Variants in TMTC2 observed in about 807,000 individuals in gnomAD.
TMTC2 encodes protein O-mannosyl-transferase TMTC2.
A neutral mutation model predicts 82.4 loss-of-function variants in TMTC2; 43 were observed. The ratio of observed to expected loss-of-function variants is 0.52; its 90% confidence interval spans 0.41 to 0.67. The LOEUF is 0.67. Among genes scored for constraint, TMTC2 ranks in the 30% least tolerant of loss-of-function variants. TMTC2 has a pLI of 0.00. For synonymous variants in TMTC2, 408 were observed against 381.9 expected (o/e 1.07, Z -0.80); for missense variants, 919 against 1,012.4 (o/e 0.91, Z 1.25).
chr12:82,965,655 A>T lies in TMTC2; in HGVS notation c.1780A>T (p.Asn594Tyr). Residue 594 changes from asparagine (N) to tyrosine (Y), a missense_variant, in exon 6 of 12, where the codon AAC (asparagine) becomes TAC (tyrosine). Transcript: ENST00000321196. ...FLKCSEIPDE[N>Y]LKDPHAHKSS... ...AAAGTGTTCGGAGATCCCAGATGAA[A>T]ACCTAAAGGACCCTCATGCACACAA... 6.2e-6 allele frequency: 10 copies of T among 1,613,810 alleles called. No individual in the cohort carries two copies. Among genetic ancestry groups the T allele is most frequent in the Non-Finnish European group, 8.5e-6 (10 of 1,179,790 alleles).
chr12:82,763,539 A>G (rs1041347428), intron 1 of TMTC2, among the ~76,000 whole-genome samples: 9 of 152,258 alleles, frequency 5.9e-5, no homozygotes, highest in African/African-American at 1.9e-4. Flanking sequence ...AAAGAGAAGT[A>G]AATAAACTGA....
chr12:82,784,736 T>G (rs1878092337), intron 1 of TMTC2, among the ~76,000 whole-genome samples: 1 of 152,102 alleles, frequency 6.6e-6, no homozygotes, highest in Non-Finnish European at 1.5e-5. Flanking sequence ...CATGCTTCAT[T>G]TTTGTATTTG....
intron 1 of TMTC2, among the ~76,000 whole-genome samples, chr12:82,700,487 T>C (rs1873022489): frequency 6.6e-6 from 1 of 152,316 alleles, no homozygotes; most frequent in Non-Finnish European, 1.5e-5. Flanking sequence ...TTAGGGTAAC[T>C]GAAAAGATTT....
At chr12:82,840,210 C>T (rs139959907) in intron 1 of TMTC2, among the ~76,000 whole-genome samples, 1 of 152,314 alleles carries the variant, frequency 6.6e-6, no homozygotes, top group African/African-American at 2.4e-5. Flanking sequence ...ATTTACTGTT[C>T]ACCATAAACA....
At chr12:83,127,611 C>T (rs1458470816) in intron 11 of TMTC2, among the ~76,000 whole-genome samples, 1 of 152,104 alleles carries the variant, frequency 6.6e-6, no homozygotes, top group African/African-American at 2.4e-5. Context: ...ACCCTAAATC[C>T]CCACATAGTC....
chr12:82,802,365 C>T (rs550820294), intron 1 of TMTC2, among the ~76,000 whole-genome samples: 77 of 152,290 alleles, frequency 5.1e-4, no homozygotes, highest in Admixed American at 2.6e-3. Context: ...GAGCCGGCTC[C>T]GGCTTTGGCC....
intron 7 of TMTC2, among the ~76,000 whole-genome samples, chr12:82,972,785 G>T (rs1393862149): frequency 6.6e-6 from 1 of 152,138 alleles, no homozygotes; most frequent in Non-Finnish European, 1.5e-5. Context: ...ATTATGTTGT[G>T]AGTTCAGTCA....
intron 9 of TMTC2, among the ~76,000 whole-genome samples, chr12:83,041,080 G>C (rs201521192): frequency 6.8e-5 from 9 of 133,212 alleles, no homozygotes; most frequent in Admixed American, 2.9e-4. Context: ...CCCTTTTTTT[G>C]TGTATGGAAA....
chr12:82,963,002 A>G (rs553709609), intron 4 of TMTC2, among the ~76,000 whole-genome samples: 52 of 152,128 alleles, frequency 3.4e-4, no homozygotes, highest in South Asian at 2.1e-4. Flanking sequence ...GAAGTGTAGT[A>G]GTTGAGTGGA....
chr12:82,776,844 G>A (rs902210914), intron 1 of TMTC2, among the ~76,000 whole-genome samples: 5 of 152,084 alleles, frequency 3.3e-5, no homozygotes, highest in African/African-American at 9.7e-5. Context: ...AGAATAAACT[G>A]GGAGGATTGC....
chr12:83,065,688 G>A (rs546412350), intron 11 of TMTC2, among the ~76,000 whole-genome samples: 1 of 151,614 alleles, frequency 6.6e-6, no homozygotes, highest in Non-Finnish European at 1.5e-5. Context: ...ACTTTAAATA[G>A]ACAACAGTCT....
At chr12:82,744,723 T>C (rs566932781) in intron 1 of TMTC2, among the ~76,000 whole-genome samples, 1 of 152,282 alleles carries the variant, frequency 6.6e-6, no homozygotes, top group South Asian at 2.1e-4. Flanking sequence ...TTTCTTTGCA[T>C]GGAATTATGT....
chr12:82,911,607 T>C (rs1174226216), intron 3 of TMTC2, among the ~76,000 whole-genome samples: 1 of 152,118 alleles, frequency 6.6e-6, no homozygotes, highest in Non-Finnish European at 1.5e-5. Flanking sequence ...TTTATTTTTT[T>C]CTTTTCTTTT....
At chr12:82,717,248 G>C (rs1235055329) in intron 1 of TMTC2, among the ~76,000 whole-genome samples, 1 of 149,310 alleles carries the variant, frequency 6.7e-6, no homozygotes, top group African/African-American at 2.5e-5. Flanking sequence ...CCTGGAGACA[G>C]AGTTTTGCTC....
chr12:83,052,188 A>G (rs1382156182), intron 10 of TMTC2, among the ~76,000 whole-genome samples: 2 of 152,126 alleles, frequency 1.3e-5, no homozygotes, highest in Non-Finnish European at 2.9e-5. Flanking sequence ...TTGGATGGTG[A>G]CATCCAATTT....
chr12:82,986,948 T>C (rs1219075219), intron 8 of TMTC2, among the ~76,000 whole-genome samples: 1 of 152,182 alleles, frequency 6.6e-6, no homozygotes, highest in Non-Finnish European at 1.5e-5. Flanking sequence ...ATTATTTTAG[T>C]TATAGTACCT....
chr12:83,094,275 C>G (rs1002598996), intron 11 of TMTC2, among the ~76,000 whole-genome samples: 11 of 152,170 alleles, frequency 7.2e-5, no homozygotes, highest in Admixed American at 1.3e-4. Context: ...CTTGGCTGAG[C>G]CTTGGAAGAG....
At chr12:83,100,654 C>A (rs1294795593) in intron 11 of TMTC2, among the ~76,000 whole-genome samples, 1 of 151,906 alleles carries the variant, frequency 6.6e-6, no homozygotes, top group African/African-American at 2.4e-5. Flanking sequence ...CAGAAATGAT[C>A]TGTCTGATCA....
At chr12:83,084,695 A>G (rs1424032524) in intron 11 of TMTC2, among the ~76,000 whole-genome samples, 2 of 152,210 alleles carry the variant, frequency 1.3e-5, no homozygotes, top group Non-Finnish European at 2.9e-5. Context: ...GACCTACTTG[A>G]TATTTGGAGC....
Sources: allele counts gnomAD v4.1 joint callset (sites outside exome capture counted in the v4.1 genomes callset), GRCh38; gene constraint gnomAD v4.1.1; transcripts MANE v1.5; gene names NCBI Gene and HGNC (gene_info 2026-07-23, HGNC 2026-07-21).